PAX8: variants seen among roughly 807,000 people sequenced by gnomAD.
PAX8 encodes paired box protein Pax-8.
PAX8 carries 15 observed loss-of-function variants against 52.4 expected under a neutral mutation model. The ratio of observed to expected loss-of-function variants is 0.29; its 90% CI spans 0.19 to 0.44. PAX8 has a LOEUF of 0.44. PAX8 is among the 20% of genes least tolerant of loss of function. The pLI is 1.00. For synonymous variants in PAX8, 284 were observed against 249.7 expected (o/e 1.14, Z -1.29); for missense variants, 554 against 602.5 (o/e 0.92, Z 0.84).
Position 113,278,364 on chromosome 2 carries a change from T to C in PAX8, c.25+6A>G, listed in dbSNP as rs2104626134. 1.2e-6 allele frequency: 2 copies of C among 1,600,264 alleles called. No individual in the cohort carries two copies. The highest frequency in any genetic ancestry group is 2.2e-5 in the South Asian group (2 of 90,526). ...CTCGGGGATCCTGACCACACCGCGT[T>C]CTTACCAGATCTGATGGAGTTGTGA... On this transcript the variant is annotated splice_donor_region_variant and intron_variant, in intron 2 of 11. Transcript: ENST00000429538.
rs1315914650 is a variant in PAX8 at position 113,276,838 on chromosome 2, A to AGCAGAAGTGCCATTGCACCAGCTTGGC, written c.25+1505_25+1531dup. 2.4e-3 allele frequency among the ~76,000 whole-genome samples: 366 copies of AGCAGAAGTGCCATTGCACCAGCTTGGC among 152,180 alleles called. 2 individuals carry two copies. The highest frequency in any genetic ancestry group is 4.5e-3 in the Non-Finnish European group (306 of 67,980). On this transcript the variant is annotated intron_variant, in intron 2 of 11. Coordinates refer to ENST00000429538, the MANE Select transcript of PAX8 (RefSeq NM_003466.4). ...GAGGAAAGATGGACCTCCAGAGCCG[A>AGCAGAAGTGCCATTGCACCAGCTTGGC]GCAGAAGTGCCATTGCACCAGCTTG... is the stretch of plus-strand genomic sequence containing the variant.
chr2:113,270,514 T>C (rs1038282766), intron 2 of PAX8: 2 of 152,208 alleles, frequency 1.3e-5, no homozygotes, highest in African/African-American at 4.8e-5. Context: ...TCACGCTGAT[T>C]TCAAAAGCCT....
chr2:113,277,999 G>C (rs1044184870), intron 2 of PAX8, among the ~76,000 whole-genome samples: 2 of 152,208 alleles, frequency 1.3e-5, no homozygotes, highest in Non-Finnish European at 2.9e-5. Flanking sequence ...TCGGGGACGG[G>C]GAAACGGCAA....
Position 113,251,813 on chromosome 2 carries a change from T to C in PAX8, c.26-4894A>G, listed in dbSNP as rs183281043. ...ACCCTTAAGATGTGGAAATCCTTTCTCCATGTTCCTATAGTCCTTTGCACA... is the reference window on the plus strand; with the variant it reads ...ACCCTTAAGATGTGGAAATCCTTTCCCCATGTTCCTATAGTCCTTTGCACA... On this transcript the variant is annotated intron_variant, in intron 2 of 11. Transcript: ENST00000429538. Among the ~76,000 whole-genome samples the C allele has an allele frequency of 2.6e-5, 4 of 152,352 alleles. No individual in the cohort carries two copies. The East Asian group carries it at 7.7e-4, about 29-fold the overall frequency.
In PAX8 at chr2:113,242,724, C is replaced by T. The variant is rs1006642786; in HGVS notation, c.444G>A (p.Val148=). 6.2e-7 allele frequency: 1 copy of T among 1,613,802 alleles called. No homozygotes were observed. The highest frequency in any genetic ancestry group is 1.3e-5 in the African/African-American group (1 of 74,856). ...GTCCGGGACTCAGGGACTTGGTGGC[C>T]ACGCAGCTGTCCATAGGGAGGTTGA... The part of the protein sequence containing the change: ...QPFNLPMDSC[V]ATKSLSPGHT... The change falls in exon 5 of 12, where the codon GTG becomes GTA. Residue 148 remains valine, a synonymous_variant. Transcript: ENST00000429538.
chr2:113,242,843 G>A lies in PAX8; in HGVS notation c.390-65C>T, dbSNP rs532953234. 78 of 1,297,670 alleles carry A rather than the reference G, an allele frequency of 6.0e-5. No homozygotes were observed. In the Middle Eastern group the frequency reaches 7.7e-4, roughly 13 times the overall value. The allele number at this position is 1,297,670 out of a possible 1,614,324, so 80.4% of individuals were successfully genotyped here. A position where few individuals can be genotyped will look rare whatever the true frequency, so the allele number is the denominator to read the frequency against. On this transcript the variant is annotated intron_variant, in intron 4 of 11. Transcript: ENST00000429538. ...GGAAAGAGAACTCATGGCTGCCCCA[G>A]ACCCAGTCGCCTTTTTGACACCCCT...
At chr2:113,261,064 T>G (rs1253942672) in intron 2 of PAX8, among the ~76,000 whole-genome samples, 4 of 152,076 alleles carry the variant, frequency 2.6e-5, no homozygotes, top group African/African-American at 9.7e-5. Flanking sequence ...ATCTGTTGTT[T>G]CCACACCTGT....
chr2:113,242,268 C>G, intron 5 of PAX8, 138 bp from the exon 6 acceptor site: 5 of 686,200 alleles, frequency 7.3e-6, no homozygotes, highest in Non-Finnish European at 2.5e-6. Flanking sequence ...TGGGACACCC[C>G]TTACAGCCCT....
In PAX8 at chr2:113,235,381, C is replaced by A. The variant is rs1690194220; in HGVS notation, c.1087+13G>T. The stretch of plus-strand genomic sequence containing the variant: ...CGCCATAGCTGCATGGCCCCGGGAC[C>A]TCCCTGTCGTACCTGAGAGGAGGGC... On this transcript the variant is annotated intron_variant, in intron 9 of 11. Transcript: ENST00000429538. 3 of 1,560,104 alleles carry A rather than the reference C, an allele frequency of 1.9e-6. No individual in the cohort carries two copies. The highest frequency in any genetic ancestry group is 1.7e-6 in the Non-Finnish European group (2 of 1,152,272).
intron 9 of PAX8, 34 bp downstream of exon 9, chr2:113,235,360 A>G (rs1690191292): frequency 2.0e-6 from 3 of 1,538,438 alleles, no homozygotes; most frequent in East Asian, 4.9e-5. Flanking sequence ...ACCCGCCGCC[A>G]TAGCTGCATG....
At chr2:113,276,402 G>A (rs1031835312) in intron 2 of PAX8, 1 of 152,178 alleles carries the variant, frequency 6.6e-6, no homozygotes, top group Non-Finnish European at 1.5e-5. Context: ...GTTTTGGAAA[G>A]AGGGTAGAAG....
Position 113,255,160 on chromosome 2 carries a change from GA to G in PAX8, c.26-8242del, listed in dbSNP as rs556351030. On this transcript the variant is annotated intron_variant, in intron 2 of 11. Coordinates refer to ENST00000429538, the MANE Select transcript of PAX8 (RefSeq NM_003466.4). The stretch of plus-strand genomic sequence containing the variant: ...AGGAAGGAAGGAAAGAAGGAAGGAA[GA>G]AAAAAAGAAGGAAGGAGGGACAGAG... Among the ~76,000 whole-genome samples, 118 of 142,720 alleles carry G rather than the reference GA, an allele frequency of 8.3e-4. 1 individual carries two copies. The highest frequency in any genetic ancestry group is 6.4e-3 in the South Asian group (28 of 4,390). The allele number at this position is 142,720 out of a possible 152,430, so 93.6% of individuals were successfully genotyped here. A position where few individuals can be genotyped will look rare whatever the true frequency, so the allele number is the denominator to read the frequency against.
chr2:113,242,602 G>T, intron 5 of PAX8, 88 bp downstream of exon 5: 1 of 887,872 alleles, frequency 1.1e-6, no homozygotes, highest in Non-Finnish European at 1.9e-6. Context: ...GTGTGGGTGT[G>T]TCTGTGTGTG....
At chr2:113,222,412 C>T (rs185175674) in intron 10 of PAX8, among the ~76,000 whole-genome samples, 19 of 152,328 alleles carry the variant, frequency 1.2e-4, no homozygotes, top group African/African-American at 2.9e-4. Flanking sequence ...TACCATTTAC[C>T]GAGTACCTCA....
At position 113,261,975 on chromosome 2, in the gene PAX8, G is replaced by A. The variant is rs937329578; in HGVS notation, c.26-15056C>T. 3.9e-5 allele frequency among the ~76,000 whole-genome samples: 6 copies of A among 151,908 alleles called. 1 individual carries two copies. Among genetic ancestry groups the A allele is most frequent in the East Asian group, 1.9e-4 (1 of 5,162 alleles). On this transcript the variant is annotated intron_variant, in intron 2 of 11. Coordinates refer to ENST00000429538, the MANE Select transcript of PAX8 (RefSeq NM_003466.4). The stretch of plus-strand genomic sequence containing the variant: ...TTCCCAAGCAGCTGGGATTATAGCC[G>A]CCCACCACCATGCCCAGCTAATTTT...
intron 2 of PAX8, among the ~76,000 whole-genome samples, chr2:113,264,265 C>T (rs932335283): frequency 1.3e-5 from 2 of 152,244 alleles, no homozygotes; most frequent in African/African-American, 4.8e-5. Context: ...GCATAGGCTT[C>T]TGTGCCTACA....
chr2:113,218,875 T>C (rs1354707815), intron 11 of PAX8, among the ~76,000 whole-genome samples: 1 of 152,164 alleles, frequency 6.6e-6, no homozygotes, highest in African/African-American at 2.4e-5. Context: ...CTCGTTGCAA[T>C]AGGGAGAGGG....
intron 2 of PAX8, among the ~76,000 whole-genome samples, chr2:113,257,764 CAATGCCTAAGAATAAT>C (rs2104552705): frequency 6.6e-6 from 1 of 152,158 alleles, no homozygotes; most frequent in East Asian, 1.9e-4. Context: ...CCCCATTAGT[CAATGCCTAAGAATAAT>C]AATCATAGCC....
In PAX8 at chr2:113,278,840, C is replaced by G. The variant is rs1019151287; in HGVS notation, c.-85G>C. On this transcript the variant is annotated 5_prime_UTR_variant, in exon 1 of 12. Transcript: ENST00000429538. ...CCCCTGGGTGACATACCTGGCCGGC[C>G]GGCTGCAGGCCCTCACTGCTTGGGT... 1 of 1,066,300 alleles carries G rather than the reference C, an allele frequency of 9.4e-7. No individual in the cohort carries two copies. The highest frequency in any genetic ancestry group is 5.1e-5 in the East Asian group (1 of 19,560). The allele number at this position is 1,066,300 out of a possible 1,614,324, so 66.1% of individuals were successfully genotyped here.
Sources: gnomAD v4.1 joint callset for allele counts (sites outside exome capture counted in the v4.1 genomes callset) on GRCh38, gnomAD v4.1.1 for gene constraint, MANE v1.5 for transcripts, NCBI Gene and HGNC (gene_info 2026-07-23, HGNC 2026-07-21) for gene names.